The following RHCE variants were observed in gnomAD, a reference collection of about 807,000 sequenced individuals.
RHCE encodes blood group Rh(CE) polypeptide.
In RHCE, 22 loss-of-function variants were observed where a neutral mutation model predicts 43.8. That is an observed-to-expected ratio of 0.50 (90% CI 0.36 to 0.72). RHCE has a LOEUF of 0.72. Ranked by LOEUF, RHCE falls within the 30% of genes least tolerant of loss-of-function variation. The probability of loss-of-function intolerance (pLI) is 0.00; values close to 1 mark genes in which losing one functional copy is unlikely to be tolerated. For synonymous variants in RHCE, 156 were observed against 210.7 expected, an observed-to-expected ratio of 0.74 and a Z score of 2.25; for missense variants, 385 against 525.4, an observed-to-expected ratio of 0.73 and a Z score of 2.61.
chr1:25,405,477 A>AC (rs1280708584), intron 2 of RHCE, among the ~76,000 whole-genome samples: 1 of 151,904 alleles, frequency 6.6e-6, no homozygotes, highest in Non-Finnish European at 1.5e-5. Flanking sequence ...ACCTGGTGAA[A>AC]CCCCGTCTCT....
intron 1 of RHCE, among the ~76,000 whole-genome samples, chr1:25,409,808 A>G (rs28594470): frequency 0.014 from 2,106 of 147,196 alleles, 17 homozygotes; most frequent in African/African-American, 0.049. Context: ...ACACTTTGAC[A>G]TGGGTGCTGT....
chr1:25,393,713 G>T (rs679879), intron 3 of RHCE, among the ~76,000 whole-genome samples: 87,862 of 151,190 alleles, frequency 0.58, 26,700 homozygotes, highest in African/African-American at 0.75. Flanking sequence ...TCAAGGTCCA[G>T]GTTCTTGCCA....
At chr1:25,427,803 G>A (rs1173374483) in intron 2 of RHCE, among the ~76,000 whole-genome samples, 1 of 152,198 alleles carries the variant, frequency 6.6e-6, no homozygotes, top group Non-Finnish European at 1.5e-5. Context: ...CTCAGCCTCA[G>A]TTTTCTCATT....
At chr1:25,401,622 G>A (rs1298362149) in intron 3 of RHCE, among the ~76,000 whole-genome samples, 1 of 152,200 alleles carries the variant, frequency 6.6e-6, no homozygotes, top group African/African-American at 2.4e-5. Context: ...CCAATGAGAG[G>A]ACATGTGCAG....
chr1:25,411,017 A>G (rs1197971730), intron 1 of RHCE, among the ~76,000 whole-genome samples: 5 of 152,108 alleles, frequency 3.3e-5, no homozygotes, highest in African/African-American at 7.2e-5. Context: ...GCTTGAACCC[A>G]GGAGGCGGAG....
At chr1:25,397,575 T>C (rs966475661) in intron 3 of RHCE, among the ~76,000 whole-genome samples, 2 of 152,102 alleles carry the variant, frequency 1.3e-5, no homozygotes, top group African/African-American at 4.8e-5. Flanking sequence ...CCAGCTCCCT[T>C]GAAGAAGATG....
chr1:25,378,356 T>C (rs1423582508), intron 7 of RHCE, among the ~76,000 whole-genome samples: 1 of 152,188 alleles, frequency 6.6e-6, no homozygotes, highest in African/African-American at 2.4e-5. Flanking sequence ...AAAACAAAAG[T>C]GCTAGAATGT....
upstream of RHCE, among the ~76,000 whole-genome samples, chr1:25,422,890 C>T (rs2124555621): frequency 6.6e-6 from 1 of 152,284 alleles, no homozygotes; most frequent in South Asian, 2.1e-4. Flanking sequence ...ATGCGCGGTT[C>T]CCAATAGGGT....
intron 3 of RHCE, 149 bp from the exon 4 acceptor site, chr1:25,392,290 C>T: frequency 7.3e-7 from 1 of 1,366,756 alleles, no homozygotes; most frequent in Non-Finnish European, 1.0e-6. Flanking sequence ...CAGCCCAACC[C>T]AGCAGGCTTT....
intron 1 of RHCE, among the ~76,000 whole-genome samples, chr1:25,416,420 T>C (rs968975425): frequency 2.7e-5 from 4 of 149,982 alleles, no homozygotes; most frequent in Admixed American, 6.6e-5. Flanking sequence ...CCCGCCACCA[T>C]ACCCAGCTAA....
chr1:25,416,792 G>GT lies in RHCE; in HGVS notation c.148+3846dup, dbSNP rs576244724. Among the ~76,000 whole-genome samples, 556 of 99,578 alleles carry GT rather than the reference G, an allele frequency of 5.6e-3. 4 individuals are homozygous for GT. Among genetic ancestry groups the GT allele is most frequent in the East Asian group, 0.033 (119 of 3,600 alleles). 65.3% of individuals were successfully genotyped at this position (99,578 alleles called of 152,430 possible). The stretch of plus-strand genomic sequence containing the variant: ...CCACCACACTGGGTTAAATTTTACA[G>GT]TTTTTTTTTTTTTTTTTTAGAGATG... On this transcript the variant is annotated intron_variant, in intron 1 of 9. Coordinates refer to ENST00000294413, the MANE Select transcript of RHCE (RefSeq NM_020485.8).
intron 9 of RHCE, among the ~76,000 whole-genome samples, chr1:25,368,883 C>G (rs986509151): frequency 6.6e-6 from 1 of 151,772 alleles, no homozygotes; most frequent in African/African-American, 2.4e-5. Flanking sequence ...GCCTCAGCCT[C>G]CCGAGTAGCC....
chr1:25,397,627 G>T (rs1422851191), intron 3 of RHCE, among the ~76,000 whole-genome samples: 1 of 152,056 alleles, frequency 6.6e-6, no homozygotes, highest in Non-Finnish European at 1.5e-5. Flanking sequence ...CAGCCTCCTG[G>T]CCGCCCCTTG....
intron 1 of RHCE, among the ~76,000 whole-genome samples, chr1:25,410,625 C>T (rs4649080): frequency 0.044 from 6,645 of 152,052 alleles, 226 homozygotes; most frequent in Non-Finnish European, 0.066. Context: ...GTCTCGAACT[C>T]CTGACCTCAT....
rs547086006 is a variant in RHCE, at chr1:25,370,656, C to G, written c.1154-116G>C. ...CAGTGTCTCAACAGAAATCCTTTTT[C>G]TCCCACAATTGAAAGACAAATAAAT... On this transcript the variant is annotated intron_variant, in intron 8 of 9. Coordinates refer to ENST00000294413, the MANE Select transcript of RHCE (RefSeq NM_020485.8). 1.6e-4 allele frequency: 138 copies of G among 879,176 alleles called. 1 individual carries two copies. The South Asian group carries it at 1.9e-3, about 12-fold the overall frequency. The allele number at this position is 879,176 out of a possible 1,614,324, so 54.5% of individuals were successfully genotyped here.
At chr1:25,372,783 C>T (rs1379677803) in intron 8 of RHCE, among the ~76,000 whole-genome samples, 4 of 151,682 alleles carry the variant, frequency 2.6e-5, no homozygotes, top group African/African-American at 9.8e-5. Flanking sequence ...GAGGAACTTT[C>T]TCCCCCTTCC....
chr1:25,378,250 T>G (rs972201357), intron 7 of RHCE, among the ~76,000 whole-genome samples: 1 of 152,214 alleles, frequency 6.6e-6, no homozygotes, highest in African/African-American at 2.4e-5. Context: ...GAAAACTGTT[T>G]AGCAGTAGCC....
chr1:25,396,481 T>C (rs942118594), intron 3 of RHCE, among the ~76,000 whole-genome samples: 27 of 152,330 alleles, frequency 1.8e-4, no homozygotes, highest in African/African-American at 6.5e-4. Context: ...ATAAAGATAC[T>C]TCCTGAGACT....
At chr1:25,379,099 G>C (rs1372632300) in intron 7 of RHCE, among the ~76,000 whole-genome samples, 2 of 152,038 alleles carry the variant, frequency 1.3e-5, no homozygotes, top group African/African-American at 4.8e-5. Flanking sequence ...ATAGCTCATG[G>C]TTCTGGAGGC....
Sources: gnomAD v4.1 joint callset for allele counts (sites outside exome capture counted in the v4.1 genomes callset) on GRCh38, gnomAD v4.1.1 for gene constraint, MANE v1.5 for transcripts, NCBI Gene and HGNC (gene_info 2026-07-23, HGNC 2026-07-21) for gene names.